Variants in OR3A2 observed in about 807,000 individuals in gnomAD.
OR3A2 encodes the protein olfactory receptor 3A2.
For synonymous variants in OR3A2, 126 were observed against 159.3 expected, an observed-to-expected ratio of 0.79 and a Z score of 1.57; for missense variants, 318 against 392.8, an observed-to-expected ratio of 0.81 and a Z score of 1.61.
intron 1 of OR3A2, among the ~76,000 whole-genome samples, chr17:3,385,040 C>G (rs548801491): frequency 9.8e-4 from 149 of 152,056 alleles, no homozygotes; most frequent in African/African-American, 3.3e-3. Flanking sequence ...AAAAAAAATA[C>G]AAAATTAGCC....
intron 2 of OR3A2, among the ~76,000 whole-genome samples, chr17:3,343,040 C>T (rs988993653): frequency 2.0e-5 from 3 of 152,188 alleles, no homozygotes; most frequent in South Asian, 2.1e-4. Flanking sequence ...AGCAAGGCTC[C>T]GTGGGCATGG....
At chr17:3,307,188 G>A (rs1190148912) in intron 3 of OR3A2, among the ~76,000 whole-genome samples, 1 of 152,222 alleles carries the variant, frequency 6.6e-6, no homozygotes, top group African/African-American at 2.4e-5. Flanking sequence ...GGGACTCATA[G>A]GCAGTTTCTG....
intron 3 of OR3A2, among the ~76,000 whole-genome samples, chr17:3,295,960 G>T (rs1167555389): frequency 2.0e-5 from 3 of 152,068 alleles, no homozygotes; most frequent in African/African-American, 7.2e-5. Flanking sequence ...GGTAACAGTG[G>T]ATTTTAGTGA....
At chr17:3,322,758 C>A (rs1373247639) in intron 3 of OR3A2, among the ~76,000 whole-genome samples, 16 of 152,036 alleles carry the variant, frequency 1.1e-4, no homozygotes, top group Non-Finnish European at 1.5e-5. Context: ...AATTTCTGTT[C>A]TTTTACATTT....
chr17:3,337,617 T>C lies in OR3A2; in HGVS notation c.-178-1491A>G, dbSNP rs184526423. On this transcript the variant is annotated intron_variant, in intron 2 of 4. Transcript: ENST00000573491. The stretch of plus-strand genomic sequence containing the variant: ...AAGGACATGAACTCATCATTTTTTA[T>C]GGCTGCATAGTATTCCATGGTGTAA... 7.8e-3 allele frequency among the ~76,000 whole-genome samples: 1,189 copies of C among 152,314 alleles called. 39 individuals carry two copies. The highest frequency in any genetic ancestry group is 0.051 in the Admixed American group (787 of 15,292).
chr17:3,312,247 T>A (rs1171902462), intron 3 of OR3A2, among the ~76,000 whole-genome samples: 2 of 152,210 alleles, frequency 1.3e-5, no homozygotes, highest in African/African-American at 4.8e-5. Context: ...GAAACATATA[T>A]AAAATGTTAA....
At chr17:3,315,345 A>G (rs372590312) in intron 3 of OR3A2, among the ~76,000 whole-genome samples, 18 of 152,306 alleles carry the variant, frequency 1.2e-4, no homozygotes, top group African/African-American at 4.1e-4. Flanking sequence ...CCTTGCCAGC[A>G]TCTGTTGCTT....
intron 2 of OR3A2, among the ~76,000 whole-genome samples, chr17:3,356,640 C>A (rs2049467800): frequency 6.6e-6 from 1 of 151,488 alleles, no homozygotes; most frequent in Non-Finnish European, 1.5e-5. Context: ...AATACTCTAA[C>A]AATTGTAGTA....
intron 2 of OR3A2, among the ~76,000 whole-genome samples, chr17:3,375,472 T>C (rs1189160105): frequency 6.6e-6 from 1 of 151,714 alleles, no homozygotes; most frequent in Non-Finnish European, 1.5e-5. Context: ...CTGGCTCATT[T>C]TGTATTTTTA....
chr17:3,334,735 C>A (rs747822692), intron 3 of OR3A2, among the ~76,000 whole-genome samples: 1 of 152,116 alleles, frequency 6.6e-6, no homozygotes, highest in Non-Finnish European at 1.5e-5. Context: ...TAGATCTTTC[C>A]ATATAGAGGC....
In OR3A2 at chr17:3,372,221, C is replaced by T. The variant is rs1303036907; in HGVS notation, c.-179+11583G>A. Among the ~76,000 whole-genome samples, 8 of 144,912 alleles carry T rather than the reference C, an allele frequency of 5.5e-5. No homozygotes were observed. The East Asian group carries it at 6.6e-4, about 12-fold the overall frequency. On this transcript the variant is annotated intron_variant, in intron 2 of 4. Transcript: ENST00000573491. ...GCAGAGGCGCTCCCCACATCTCAGA[C>T]GATGGGCGGCCGGGCAGAGATGCTC...
chr17:3,371,801 GGGGCGGCTGGCCGGGC>G, intron 2 of OR3A2, among the ~76,000 whole-genome samples: 1 of 138,834 alleles, frequency 7.2e-6, no homozygotes, highest in South Asian at 2.3e-4. Flanking sequence ...CCTCCTGGCC[GGGGCGGCTGGCCGGGC>G]GGGGGGCTGA....
chr17:3,386,012 T>C, intron 1 of OR3A2, 113 bp downstream of exon 1: 1 of 398,612 alleles, frequency 2.5e-6, no homozygotes. Context: ...CCGCTGCTGT[T>C]CCTGCTCTGC....
At chr17:3,314,292 G>A (rs944173670) in intron 3 of OR3A2, among the ~76,000 whole-genome samples, 26 of 152,178 alleles carry the variant, frequency 1.7e-4, no homozygotes, top group Non-Finnish European at 5.9e-5. Context: ...ATAAATGAGT[G>A]ATCACAAGTT....
chr17:3,321,645 T>C (rs1001872451), intron 3 of OR3A2, among the ~76,000 whole-genome samples: 21 of 152,282 alleles, frequency 1.4e-4, no homozygotes, highest in African/African-American at 4.8e-4. Flanking sequence ...AATCACGTGG[T>C]TTTTGTCTTT....
chr17:3,339,100 T>C (rs437562), intron 2 of OR3A2, among the ~76,000 whole-genome samples: 62,762 of 151,956 alleles, frequency 0.41, 13,241 homozygotes, highest in Admixed American at 0.52. Flanking sequence ...ATGCTTATGA[T>C]TTTTGCACAT....
intron 3 of OR3A2, among the ~76,000 whole-genome samples, chr17:3,330,504 G>A (rs146745869): frequency 0.15 from 22,612 of 151,786 alleles, 2,233 homozygotes; most frequent in African/African-American, 0.28. Context: ...TTGGTTTAAA[G>A]TCTGATTTAT....
chr17:3,340,929 C>T (rs1462179444), intron 2 of OR3A2, among the ~76,000 whole-genome samples: 1 of 151,894 alleles, frequency 6.6e-6, no homozygotes, highest in Non-Finnish European at 1.5e-5. Flanking sequence ...TCAGGACTTG[C>T]TTTATGAATC....
At chr17:3,349,492 T>C (rs1239427228) in intron 2 of OR3A2, among the ~76,000 whole-genome samples, 1 of 152,088 alleles carries the variant, frequency 6.6e-6, no homozygotes, top group Non-Finnish European at 1.5e-5. Context: ...CTATCCTAAA[T>C]ATATATGCAC....
Sources: gnomAD v4.1 joint callset for allele counts (sites outside exome capture counted in the v4.1 genomes callset) on GRCh38, gnomAD v4.1.1 for gene constraint, MANE v1.5 for transcripts, NCBI Gene and HGNC (gene_info 2026-07-23, HGNC 2026-07-21) for gene names.